Variants in GANC observed in about 807,000 individuals in gnomAD.
The protein encoded by GANC is glucosidase alpha, neutral C, also known as neutral alpha-glucosidase C.
A neutral mutation model predicts 124.2 loss-of-function variants in GANC; 117 were observed. That is an observed-to-expected ratio of 0.94 (90% CI 0.81 to 1.10). The LOEUF (loss-of-function observed/expected upper bound fraction) is 1.10. Among genes scored for constraint, GANC ranks in the 50% least tolerant of loss-of-function variants. The probability of loss-of-function intolerance (pLI) is 0.00; values close to 1 mark genes in which losing one functional copy is unlikely to be tolerated. For synonymous variants in GANC, 377 were observed against 376.8 expected, an observed-to-expected ratio of 1.00 and a Z score of -0.01; for missense variants, 1,140 against 1,095.0, an observed-to-expected ratio of 1.04 and a Z score of -0.58.
intron 19 of GANC, among the ~76,000 whole-genome samples, chr15:42,343,725 G>T (rs2052344041): frequency 6.6e-6 from 1 of 152,152 alleles, no homozygotes; most frequent in African/African-American, 2.4e-5. Context: ...AGGGCACAGG[G>T]GAGAGGAGGG....
At chr15:42,287,330 T>G (rs1388131957) in intron 3 of GANC, among the ~76,000 whole-genome samples, 1 of 152,218 alleles carries the variant, frequency 6.6e-6, no homozygotes, top group Non-Finnish European at 1.5e-5. Context: ...TCTTAATGTA[T>G]CTGTAGTTTA....
chr15:42,337,243 A>G (rs1053336758), intron 15 of GANC, among the ~76,000 whole-genome samples: 4 of 152,242 alleles, frequency 2.6e-5, no homozygotes, highest in African/African-American at 9.6e-5. Flanking sequence ...TTAAATGCCT[A>G]TCAGTGGTAA....
At chr15:42,299,486 C>A (rs1170658287) in intron 6 of GANC, among the ~76,000 whole-genome samples, 3 of 152,140 alleles carry the variant, frequency 2.0e-5, no homozygotes, top group African/African-American at 7.2e-5. Context: ...AGGATTTTCA[C>A]ATTGATGTTT....
chr15:42,290,141 C>A (rs896077690), intron 4 of GANC, among the ~76,000 whole-genome samples: 1 of 152,194 alleles, frequency 6.6e-6, no homozygotes, highest in African/African-American at 2.4e-5. Flanking sequence ...CCACAAAATT[C>A]TGTGGCAATG....
At chr15:42,280,584 G>T (rs188758297) in intron 3 of GANC, among the ~76,000 whole-genome samples, 1 of 152,282 alleles carries the variant, frequency 6.6e-6, no homozygotes, top group Non-Finnish European at 1.5e-5. Context: ...CAGATGTCAA[G>T]AACCTTTCTG....
chr15:42,345,633 T>A (rs1422796537), intron 19 of GANC, 125 bp from the exon 20 acceptor site: 3 of 601,260 alleles, frequency 5.0e-6, no homozygotes, highest in African/African-American at 1.9e-5. Flanking sequence ...ATATATTTTT[T>A]AAGTTATATT....
chr15:42,279,838 T>C (rs2051714077), intron 3 of GANC, among the ~76,000 whole-genome samples: 1 of 152,218 alleles, frequency 6.6e-6, no homozygotes, highest in South Asian at 2.1e-4. Flanking sequence ...GGCAAAGCTG[T>C]GAACTATGTG....
At chr15:42,293,239 C>T (rs541129352) in intron 5 of GANC, among the ~76,000 whole-genome samples, 168 of 152,252 alleles carry the variant, frequency 1.1e-3, no homozygotes, top group African/African-American at 3.9e-3. Context: ...TTCGTAATTT[C>T]ACTTCACTCC....
Position 42,280,417 on chromosome 15 carries a change from G to A in GANC, c.201+1827G>A, listed in dbSNP as rs142861340. Among the ~76,000 whole-genome samples, 305 of 152,256 alleles carry A rather than the reference G, an allele frequency of 2.0e-3. 1 individual carries two copies. The highest frequency in any genetic ancestry group is 6.8e-3 in the African/African-American group (284 of 41,546). On this transcript the variant is annotated intron_variant, in intron 3 of 23. Coordinates refer to ENST00000318010, the MANE Select transcript of GANC (RefSeq NM_198141.3). ...TGTTCATGGAGAAAAAAATGGGACA[G>A]CACTAATTTCCTTCCTGGAGAGCCA... is the stretch of plus-strand genomic sequence containing the variant.
chr15:42,284,095 T>G (rs966296043), intron 3 of GANC: 2 of 663,700 alleles, frequency 3.0e-6, no homozygotes, highest in Non-Finnish European at 5.5e-6. Context: ...GGTTAACAGT[T>G]CTTTACATAA....
At chr15:42,311,351 A>G (rs192046785) in intron 10 of GANC, among the ~76,000 whole-genome samples, 5 of 152,330 alleles carry the variant, frequency 3.3e-5, no homozygotes, top group Admixed American at 2.6e-4. Flanking sequence ...GAAAAGAATA[A>G]ATAAGATTAT....
chr15:42,304,900 T>C (rs2051978514), intron 6 of GANC, among the ~76,000 whole-genome samples: 1 of 152,188 alleles, frequency 6.6e-6, no homozygotes. Context: ...GAAAACTGTC[T>C]AGCCATGTGC....
At chr15:42,299,202 G>A (rs150534183) in intron 6 of GANC, among the ~76,000 whole-genome samples, 1,651 of 152,222 alleles carry the variant, frequency 0.011, 31 homozygotes, top group African/African-American at 0.038. Flanking sequence ...CTGTGGGTTC[G>A]TCATAAGTAG....
intron 18 of GANC, among the ~76,000 whole-genome samples, chr15:42,342,106 G>T (rs148018726): frequency 6.6e-5 from 10 of 151,970 alleles, no homozygotes; most frequent in African/African-American, 2.2e-4. Context: ...TGTAAACTCC[G>T]TAAGGTCAGG....
At chr15:42,282,297 G>A (rs1226314218) in intron 3 of GANC, among the ~76,000 whole-genome samples, 1 of 152,080 alleles carries the variant, frequency 6.6e-6, no homozygotes, top group African/African-American at 2.4e-5. Context: ...CCCTCAGCCT[G>A]GGCAACACAG....
chr15:42,299,579 A>G (rs1595768752), intron 6 of GANC, among the ~76,000 whole-genome samples: 2 of 152,242 alleles, frequency 1.3e-5, no homozygotes, highest in African/African-American at 2.4e-5. Context: ...TACCATTGAC[A>G]TTCTTCACAG....
chr15:42,300,838 G>A (rs2141034914), intron 6 of GANC, among the ~76,000 whole-genome samples: 2 of 152,150 alleles, frequency 1.3e-5, no homozygotes, highest in South Asian at 4.2e-4. Flanking sequence ...GACCAACATG[G>A]AGAAACCCTG....
chr15:42,295,195 C>T (rs749220541), intron 5 of GANC, among the ~76,000 whole-genome samples: 14 of 151,832 alleles, frequency 9.2e-5, no homozygotes, highest in Non-Finnish European at 1.8e-4. Flanking sequence ...AGGATGATCT[C>T]GATCTCCTGA....
chr15:42,353,040 C>A lies in GANC; in HGVS notation c.*901C>A. ...TTAATGCAAAAAAAACCATGATGAA[C>A]AAAATATTAAAATTTAAAATAAAGA... On this transcript the variant is annotated 3_prime_UTR_variant, in exon 24 of 24. Transcript: ENST00000318010. The A allele has an allele frequency of 3.4e-6, 3 of 870,758 alleles. No homozygotes were observed. The highest frequency in any genetic ancestry group is 2.8e-6 in the Non-Finnish European group (2 of 725,244). 53.9% of individuals were successfully genotyped at this position (870,758 alleles called of 1,614,324 possible). A position where few individuals can be genotyped will look rare whatever the true frequency, so the allele number is the denominator to read the frequency against.
Sources: gnomAD v4.1 joint callset for allele counts (sites outside exome capture counted in the v4.1 genomes callset) on GRCh38, gnomAD v4.1.1 for gene constraint, MANE v1.5 for transcripts, NCBI Gene and HGNC (gene_info 2026-07-23, HGNC 2026-07-21) for gene names.